WASL: variants seen among roughly 807,000 people sequenced by gnomAD.
The protein encoded by WASL is actin nucleation-promoting factor WASL.
Under a neutral mutation model 55.5 loss-of-function variants are expected in WASL, and 20 were observed. That is an observed-to-expected ratio of 0.36 (90% CI 0.25 to 0.52). WASL has a LOEUF of 0.52. Among genes scored for constraint, WASL ranks in the 20% least tolerant of loss-of-function variants. The pLI is 0.92. For synonymous variants in WASL, 249 were observed against 217.6 expected, an observed-to-expected ratio of 1.14 and a Z score of -1.27; for missense variants, 504 against 622.5, an observed-to-expected ratio of 0.81 and a Z score of 2.03.
chr7:123,690,912 T>C (rs555228298), intron 9 of WASL, among the ~76,000 whole-genome samples: 41 of 152,232 alleles, frequency 2.7e-4, no homozygotes, highest in African/African-American at 8.2e-4. Flanking sequence ...TTGACATTAA[T>C]TCTCCCCACT....
rs1406800536 is a variant in WASL, at chr7:123,682,191, C to T, written c.*2328G>A. On this transcript the variant is annotated 3_prime_UTR_variant, in exon 11 of 11. Coordinates refer to ENST00000223023, the MANE Select transcript of WASL (RefSeq NM_003941.4). ...TTTGTTAAATGCAAAGGCTACCAGA[C>T]GACCATTTAGCTGGAGAATATACGG... 1.3e-5 allele frequency: 2 copies of T among 152,110 alleles called. No homozygotes were observed. The allele number at this position is 152,110 out of a possible 1,614,324, so 9.4% of individuals were successfully genotyped here.
rs1337003927 is a variant in WASL at position 123,748,839 on chromosome 7, G to T, written c.-105C>A. ...GGGGCGGGGAGAAGTGGAGTCAGAG[G>T]CGCCACATCTCGCAGCTCCTCCGGA... On this transcript the variant is annotated 5_prime_UTR_variant, in exon 1 of 11. Coordinates refer to ENST00000223023, the MANE Select transcript of WASL (RefSeq NM_003941.4). 5.3e-6 allele frequency: 5 copies of T among 940,074 alleles called. No homozygotes were observed. The Admixed American group carries it at 1.2e-4, about 22-fold the overall frequency. The allele number at this position is 940,074 out of a possible 1,614,324, so 58.2% of individuals were successfully genotyped here.
chr7:123,708,840 A>G (rs905905862), intron 2 of WASL, among the ~76,000 whole-genome samples: 1 of 152,078 alleles, frequency 6.6e-6, no homozygotes, highest in Non-Finnish European at 1.5e-5. Flanking sequence ...ATTTAAAAAA[A>G]AAAAAAGCCT....
intron 5 of WASL, among the ~76,000 whole-genome samples, chr7:123,699,124 G>A (rs1277875868): frequency 6.6e-6 from 1 of 152,156 alleles, no homozygotes; most frequent in East Asian, 1.9e-4. Context: ...AGTGGCTCAC[G>A]CCTGTAATCC....
chr7:123,715,918 T>C (rs1164478223), intron 1 of WASL, among the ~76,000 whole-genome samples: 1 of 152,202 alleles, frequency 6.6e-6, no homozygotes, highest in Non-Finnish European at 1.5e-5. Context: ...CATATACAGA[T>C]AAAGGTGAGA....
chr7:123,701,112 A>G (rs1007068387), intron 5 of WASL, among the ~76,000 whole-genome samples: 4 of 152,222 alleles, frequency 2.6e-5, no homozygotes, highest in African/African-American at 9.6e-5. Context: ...TAAACAACAT[A>G]AAGTATATGA....
chr7:123,687,215 A>C (rs1803306982), intron 10 of WASL, among the ~76,000 whole-genome samples: 1 of 152,046 alleles, frequency 6.6e-6, no homozygotes, highest in South Asian at 2.1e-4. Flanking sequence ...ACCACTTCTC[A>C]TTGGTGCTAT....
At chr7:123,742,553 T>C (rs1479850177) in intron 1 of WASL, among the ~76,000 whole-genome samples, 1 of 152,260 alleles carries the variant, frequency 6.6e-6, no homozygotes, top group East Asian at 1.9e-4. Context: ...ACCTATCATA[T>C]CACTAATACA....
intron 1 of WASL, among the ~76,000 whole-genome samples, chr7:123,716,930 T>C (rs1803853650): frequency 6.6e-6 from 1 of 152,168 alleles, no homozygotes. Context: ...TATACAGCTT[T>C]GGATGAATTT....
At chr7:123,731,169 T>C (rs910055110) in intron 1 of WASL, among the ~76,000 whole-genome samples, 2 of 152,110 alleles carry the variant, frequency 1.3e-5, no homozygotes, top group Non-Finnish European at 2.9e-5. Flanking sequence ...CACACACATA[T>C]ATACATACAT....
In WASL at chr7:123,748,771, C is replaced by T; in HGVS notation, c.-37G>A. The T allele has an allele frequency of 6.7e-7, 1 of 1,490,382 alleles. No homozygotes were observed. Among genetic ancestry groups the T allele is most frequent in the South Asian group, 1.2e-5 (1 of 80,262 alleles). The allele number at this position is 1,490,382 out of a possible 1,614,324, so 92.3% of individuals were successfully genotyped here. On this transcript the variant is annotated 5_prime_UTR_variant, in exon 1 of 11. Transcript: ENST00000223023. ...CGGGGTTGGGAGTCCAGGGCCGTCT[C>T]CTCCGGCGAGTGGGCGAGAGCTCGT...
intron 1 of WASL, among the ~76,000 whole-genome samples, chr7:123,726,619 CT>C (rs528552839): frequency 2.2e-4 from 34 of 152,294 alleles, no homozygotes; most frequent in African/African-American, 6.7e-4. Flanking sequence ...AATCCCAGTA[CT>C]TTGGGAGGCC....
At chr7:123,692,941 T>C (rs1227620917) in intron 8 of WASL, 74 bp from the exon 9 acceptor site, 2 of 1,315,868 alleles carry the variant, frequency 1.5e-6, no homozygotes, top group African/African-American at 1.5e-5. Context: ...GTAATTCATT[T>C]TAACATGTAT....
At chr7:123,686,286 T>C (rs1020563750) in intron 10 of WASL, among the ~76,000 whole-genome samples, 1 of 152,062 alleles carries the variant, frequency 6.6e-6, no homozygotes, top group African/African-American at 2.4e-5. Context: ...TTGAGTCATG[T>C]TAATTTCTGT....
intron 1 of WASL, among the ~76,000 whole-genome samples, chr7:123,717,791 T>C (rs1803870518): frequency 6.6e-6 from 1 of 152,356 alleles, no homozygotes; most frequent in East Asian, 1.9e-4. Context: ...CAGGAGTCTT[T>C]TTCTGTAAAA....
At position 123,694,818 on chromosome 7, in the gene WASL, G is replaced by T; in HGVS notation, c.723C>A (p.Ile241=). The change falls in exon 8 of 11, where the codon ATC becomes ATA. Residue 241 remains isoleucine (I), a synonymous_variant. Transcript: ENST00000223023. ...ELKNLFDMCG[I]SEAQLKDRET... The stretch of plus-strand genomic sequence containing the variant: ...CTCTGTCTTTAAGTTGTGCCTCTGA[G>T]ATTCCACACATATCGAAAAGATTCT... 1 of 1,612,200 alleles carries T rather than the reference G, an allele frequency of 6.2e-7. No homozygotes were observed.
chr7:123,704,583 T>G (rs1357294311), intron 5 of WASL, 51 bp downstream of exon 5: 1 of 1,421,808 alleles, frequency 7.0e-7, no homozygotes, highest in Non-Finnish European at 9.7e-7. Flanking sequence ...TCCACAAGGA[T>G]TAAACTGTCA....
chr7:123,722,156 T>C (rs904740766), intron 1 of WASL, among the ~76,000 whole-genome samples: 7 of 152,186 alleles, frequency 4.6e-5, no homozygotes, highest in African/African-American at 1.7e-4. Context: ...TCACACCTGC[T>C]ACATTTCAAG....
chr7:123,741,288 C>T (rs1480687258), intron 1 of WASL, among the ~76,000 whole-genome samples: 1 of 152,040 alleles, frequency 6.6e-6, no homozygotes, highest in African/African-American at 2.4e-5. Context: ...GTGTTTTTGT[C>T]TTTATTTAGA....
Sources: allele counts gnomAD v4.1 joint callset (sites outside exome capture counted in the v4.1 genomes callset), GRCh38; gene constraint gnomAD v4.1.1; transcripts MANE v1.5; gene names NCBI Gene and HGNC (gene_info 2026-07-23, HGNC 2026-07-21).